Variants in CD163L1 observed in about 807,000 individuals in gnomAD.
CD163L1 encodes scavenger receptor cysteine-rich type 1 protein M160.
CD163L1 carries 124 observed loss-of-function variants against 165.4 expected under a neutral mutation model. That is an observed-to-expected ratio of 0.75 (90% confidence interval 0.65 to 0.87). The LOEUF is 0.87. CD163L1 is among the 40% of genes least tolerant of loss of function. The pLI is 0.00. For synonymous variants in CD163L1, 585 were observed against 662.2 expected (o/e 0.88, Z 1.79); for missense variants, 1,525 against 1,799.9 (o/e 0.85, Z 2.76).
chr12:7,395,827 T>C (rs1004447849), intron 8 of CD163L1, among the ~76,000 whole-genome samples: 3 of 152,224 alleles, frequency 2.0e-5, no homozygotes, highest in Non-Finnish European at 4.4e-5. Context: ...GGATAATGTC[T>C]TTTTGTAGAA....
chr12:7,374,981 G>A lies in CD163L1; in HGVS notation c.3002-58C>T. On this transcript the variant is annotated intron_variant, in intron 11 of 19. Transcript: ENST00000313599. This position sits in a 1 kb window ranked among gnomAD's most constrained non-coding sequence, Gnocchi z 5.4. The stretch of plus-strand genomic sequence containing the variant: ...AAGACCAAAATACATGGAAAAGGTT[G>A]AAGAGTTCTGTAACAACATGGAATC... The A allele has an allele frequency of 6.8e-7, 1 of 1,467,728 alleles. No homozygotes were observed. Among genetic ancestry groups the A allele is most frequent in the Non-Finnish European group, 9.5e-7 (1 of 1,047,302 alleles). 90.9% of individuals were successfully genotyped at this position (1,467,728 alleles called of 1,614,324 possible). A position where few individuals can be genotyped will look rare whatever the true frequency, so the allele number is the denominator to read the frequency against.
chr12:7,421,263 T>A (rs1286205134), intron 4 of CD163L1, among the ~76,000 whole-genome samples: 1 of 125,722 alleles, frequency 8.0e-6, no homozygotes, highest in Non-Finnish European at 1.6e-5. Flanking sequence ...TATGTATATA[T>A]CTTCCAAATG....
chr12:7,384,369 T>C (rs901941899), intron 8 of CD163L1, among the ~76,000 whole-genome samples: 1 of 152,234 alleles, frequency 6.6e-6, no homozygotes, highest in Middle Eastern at 3.4e-3. Context: ...ATAGAAAACT[T>C]ATTTAATAAA....
chr12:7,438,773 C>T, intron 2 of CD163L1: 1 of 1,447,388 alleles, frequency 6.9e-7, no homozygotes, highest in African/African-American at 1.4e-5. Context: ...TCCCGTGGCC[C>T]TTACCTCCTC....
At chr12:7,362,022 G>A (rs776971993) in intron 18 of CD163L1, among the ~76,000 whole-genome samples, 3 of 150,644 alleles carry the variant, frequency 2.0e-5, no homozygotes, top group Admixed American at 6.6e-5. Context: ...ATCTTTTTCC[G>A]GCTGACTTAT....
the CD163L1 span, chr12:7,328,415 T>A: frequency 2.8e-6 from 4 of 1,412,434 alleles, no homozygotes; most frequent in East Asian, 1.0e-4. Flanking sequence ...ATATGGTTGC[T>A]TTCTTTTAGT....
chr12:7,374,784 TCA>T lies in CD163L1; in HGVS notation c.3095-30_3095-29del. On this transcript the variant is annotated intron_variant, in intron 12 of 19. Transcript: ENST00000313599. The surrounding 1 kb of genome is among the most constrained non-coding windows in gnomAD (Gnocchi z 5.4). ...TAGAGGAGAAAGTCCAGTTAATAGG[TCA>T]CATTCTTTAGAGTTGCAGTGTTTCC... 2 of 1,613,908 alleles carry T rather than the reference TCA, an allele frequency of 1.2e-6. No homozygotes were observed. The highest frequency in any genetic ancestry group is 1.7e-6 in the Non-Finnish European group (2 of 1,179,880).
In CD163L1 at chr12:7,369,127, A is replaced by G. The variant is rs1947090502; in HGVS notation, c.4040-162T>C. ...ATATCAGTCAGAATCCTCTTGCTTCAAAGTCTAAGGCCAAATCCACCTTTC... is the reference window on the plus strand; with the variant it reads ...ATATCAGTCAGAATCCTCTTGCTTCGAAGTCTAAGGCCAAATCCACCTTTC... On this transcript the variant is annotated intron_variant, in intron 15 of 19. Coordinates refer to ENST00000313599, the MANE Select transcript of CD163L1 (RefSeq NM_174941.6). The surrounding 1 kb of genome is among the most constrained non-coding windows in gnomAD (Gnocchi z 4.9). Among the ~76,000 whole-genome samples, 2 of 152,242 alleles carry G rather than the reference A, an allele frequency of 1.3e-5. No homozygotes were observed. Among genetic ancestry groups the G allele is most frequent in the Admixed American group, 6.5e-5 (1 of 15,290 alleles).
intron 4 of CD163L1, among the ~76,000 whole-genome samples, chr12:7,408,092 TA>T (rs1673277627): frequency 1.3e-5 from 2 of 148,482 alleles, no homozygotes; most frequent in Admixed American, 1.3e-4. Context: ...TATATATATA[TA>T]TCATATATAT....
At chr12:7,437,211 A>AATAGTATTTAAAAGTATTTAC (rs1565820119) in intron 2 of CD163L1, among the ~76,000 whole-genome samples, 16 of 144,930 alleles carry the variant, frequency 1.1e-4, no homozygotes, top group African/African-American at 1.0e-4. Context: ...TTACTTTTTT[A>AATAGTATTTAAAAGTATTTAC]TTTTAATAGT....
chr12:7,320,999 A>G, the CD163L1 span, among the ~76,000 whole-genome samples: 11 of 152,290 alleles, frequency 7.2e-5, no homozygotes, highest in East Asian at 1.9e-3. Context: ...AGACTCTATT[A>G]GACGCCAGTA....
intron 4 of CD163L1, among the ~76,000 whole-genome samples, chr12:7,426,599 A>G (rs778387988): frequency 8.5e-5 from 13 of 152,094 alleles, no homozygotes; most frequent in Non-Finnish European, 1.8e-4. Context: ...AATCACTACT[A>G]AAGAACTTAT....
intron 8 of CD163L1, among the ~76,000 whole-genome samples, chr12:7,386,271 G>A (rs939435448): frequency 6.6e-6 from 1 of 152,000 alleles, no homozygotes; most frequent in Non-Finnish European, 1.5e-5. Flanking sequence ...AATCAAGGAA[G>A]AAATAGGAAT....
chr12:7,421,024 CATATATATATACGTGT>C (rs1453397780), intron 4 of CD163L1, among the ~76,000 whole-genome samples: 1 of 105,000 alleles, frequency 9.5e-6, no homozygotes, highest in African/African-American at 4.6e-5. Context: ...TATATATATA[CATATATATATACGTGT>C]ATATATATGT....
intron 4 of CD163L1, among the ~76,000 whole-genome samples, chr12:7,421,055 ACG>A (rs1491374716): frequency 2.0e-4 from 17 of 83,524 alleles, no homozygotes; most frequent in African/African-American, 6.2e-4. Context: ...ATATGTATAT[ACG>A]TATATATGTA....
At chr12:7,330,357 C>G in the CD163L1 span, among the ~76,000 whole-genome samples, 1 of 152,220 alleles carries the variant, frequency 6.6e-6, no homozygotes, top group East Asian at 1.9e-4. Flanking sequence ...CGTAAGCTAA[C>G]TTTACAGCCC....
At chr12:7,435,672 C>T (rs1362384765) in intron 2 of CD163L1, among the ~76,000 whole-genome samples, 1 of 151,928 alleles carries the variant, frequency 6.6e-6, no homozygotes, top group Non-Finnish European at 1.5e-5. Flanking sequence ...TGAAAACATG[C>T]ACATCCCAGA....
intron 4 of CD163L1, among the ~76,000 whole-genome samples, chr12:7,421,743 GTGTA>G (rs1223195312): frequency 1.3e-4 from 1 of 7,792 alleles, no homozygotes; most frequent in Non-Finnish European, 2.5e-4. Flanking sequence ...ATATGTGTGT[GTGTA>G]TATATATATA....
At position 7,432,291 on chromosome 12, in the gene CD163L1, G is replaced by A; in HGVS notation, c.766+125C>T. The stretch of plus-strand genomic sequence containing the variant: ...AAACTCCAGAATGGAGCAATTTCAG[G>A]GTAACAAAAATGTGTTATAACCAGA... On this transcript the variant is annotated intron_variant, in intron 4 of 19. Coordinates refer to ENST00000313599, the MANE Select transcript of CD163L1 (RefSeq NM_174941.6). The surrounding 1 kb of genome is among the most constrained non-coding windows in gnomAD (Gnocchi z 4.2). 1 of 706,768 alleles carries A rather than the reference G, an allele frequency of 1.4e-6. No homozygotes were observed. Among genetic ancestry groups the A allele is most frequent in the Non-Finnish European group, 2.3e-6 (1 of 432,812 alleles). 43.8% of individuals were successfully genotyped at this position (706,768 alleles called of 1,614,324 possible). A position where few individuals can be genotyped will look rare whatever the true frequency, so the allele number is the denominator to read the frequency against.
Sources: gnomAD v4.1 joint callset for allele counts (sites outside exome capture counted in the v4.1 genomes callset) on GRCh38, gnomAD v4.1.1 for gene constraint, Gnocchi (gnomAD v3.1) non-coding constraint, MANE v1.5 for transcripts, NCBI Gene and HGNC (gene_info 2026-07-23, HGNC 2026-07-21) for gene names.